Variants in PARD3 observed in about 807,000 individuals in gnomAD.
PARD3 encodes the protein partitioning defective 3 homolog.
A neutral mutation model predicts 155.4 loss-of-function variants in PARD3; 75 were observed. The ratio of observed to expected loss-of-function variants is 0.48; its 90% CI spans 0.40 to 0.58. The LOEUF is 0.58. Among genes scored for constraint, PARD3 ranks in the 20% least tolerant of loss-of-function variants. The pLI, the probability that PARD3 is intolerant of heterozygous loss-of-function variation, is 0.00. For synonymous variants in PARD3, 576 were observed against 610.5 expected (o/e 0.94, Z 0.83); for missense variants, 1,642 against 1,721.7 (o/e 0.95, Z 0.82).
chr10:34,631,921 T>A (rs984316262), intron 2 of PARD3, among the ~76,000 whole-genome samples: 2 of 152,086 alleles, frequency 1.3e-5, no homozygotes, highest in Non-Finnish European at 2.9e-5. Flanking sequence ...AATAGGTGGA[T>A]GTTTTGGGTT....
chr10:34,444,656 C>T lies in PARD3; in HGVS notation c.714+5661G>A, dbSNP rs2076642966. 2.0e-5 allele frequency among the ~76,000 whole-genome samples: 3 copies of T among 152,150 alleles called. No individual in the cohort carries two copies. The South Asian group carries it at 6.2e-4, about 32-fold the overall frequency. On this transcript the variant is annotated intron_variant, in intron 5 of 24. Transcript: ENST00000374788. Reference sequence around the variant, plus strand: ...CTTTTTGGAAATCATATTGTGCTTGCTGCTACAGACTTCTAATAAGACATA... The same window carrying T: ...CTTTTTGGAAATCATATTGTGCTTGTTGCTACAGACTTCTAATAAGACATA...
At chr10:34,481,493 T>C (rs1249767791) in intron 3 of PARD3, among the ~76,000 whole-genome samples, 1 of 152,154 alleles carries the variant, frequency 6.6e-6, no homozygotes, top group Non-Finnish European at 1.5e-5. Context: ...AAAAACGTGG[T>C]ATCCCCAGGT....
chr10:34,272,167 G>A (rs770582669), intron 21 of PARD3, among the ~76,000 whole-genome samples: 25 of 152,142 alleles, frequency 1.6e-4, no homozygotes, highest in Non-Finnish European at 3.4e-4. Context: ...AACTCAAAAT[G>A]GGTCACAGGT....
rs1554804666 is a variant in PARD3 at position 34,666,814 on chromosome 10, T to TATATAC, written c.222+29503_222+29504insGTATAT. On this transcript the variant is annotated intron_variant, in intron 2 of 24. Coordinates refer to ENST00000374788, the MANE Select transcript of PARD3 (RefSeq NM_001184785.2). ...AAAAAAAAATATATATATATATATATATACACACACACACACACACACAAA... is the reference window on the plus strand; with the variant it reads ...AAAAAAAAATATATATATATATATATATATACATACACACACACACACACACACAAA... Among the ~76,000 whole-genome samples, 130 of 92,106 alleles carry TATATAC rather than the reference T, an allele frequency of 1.4e-3. 3 individuals are homozygous for TATATAC. Among genetic ancestry groups the TATATAC allele is most frequent in the African/African-American group, 6.1e-3 (125 of 20,596 alleles). The allele number at this position is 92,106 out of a possible 152,430, so 60.4% of individuals were successfully genotyped here. A position where few individuals can be genotyped will look rare whatever the true frequency, so the allele number is the denominator to read the frequency against.
chr10:34,510,150 A>G (rs2081317709), intron 3 of PARD3, among the ~76,000 whole-genome samples: 2 of 152,204 alleles, frequency 1.3e-5, no homozygotes, highest in Admixed American at 6.5e-5. Context: ...TCTCCTTCCA[A>G]CGTAGGAACA....
At chr10:34,786,710 T>A (rs1182905185) in intron 1 of PARD3, among the ~76,000 whole-genome samples, 1 of 152,242 alleles carries the variant, frequency 6.6e-6, no homozygotes, top group African/African-American at 2.4e-5. Flanking sequence ...TCTATTTAAG[T>A]ACTCTGTAAA....
chr10:34,629,237 A>G (rs117076631), intron 2 of PARD3, among the ~76,000 whole-genome samples: 1,830 of 152,342 alleles, frequency 0.012, 12 homozygotes, highest in Non-Finnish European at 0.018. Flanking sequence ...CATTTTCAAT[A>G]TCTTTTAGCA....
intron 1 of PARD3, among the ~76,000 whole-genome samples, chr10:34,712,351 T>G (rs2094460395): frequency 1.3e-5 from 2 of 152,168 alleles, no homozygotes. Flanking sequence ...TCTGCAAGCT[T>G]CACAACCATC....
chr10:34,635,749 G>A (rs954179334), intron 2 of PARD3, among the ~76,000 whole-genome samples: 1 of 152,152 alleles, frequency 6.6e-6, no homozygotes, highest in Non-Finnish European at 1.5e-5. Context: ...AGCACCTACC[G>A]GTATGTCCCA....
chr10:34,247,228 ATGG>A (rs772353842), intron 22 of PARD3, among the ~76,000 whole-genome samples: 23 of 152,200 alleles, frequency 1.5e-4, no homozygotes, highest in Non-Finnish European at 2.5e-4. Context: ...CAGGATAGAC[ATGG>A]TGGTTCACAC....
chr10:34,439,901 C>T (rs898413093), intron 5 of PARD3, among the ~76,000 whole-genome samples: 4 of 151,910 alleles, frequency 2.6e-5, no homozygotes, highest in East Asian at 3.9e-4. Flanking sequence ...AATCTCCTAC[C>T]GCCATTAGAG....
intron 1 of PARD3, among the ~76,000 whole-genome samples, chr10:34,743,881 C>T (rs2095061282): frequency 6.6e-6 from 1 of 152,186 alleles, no homozygotes; most frequent in African/African-American, 2.4e-5. Flanking sequence ...ATGGTGGGTC[C>T]TCCCCTGCCA....
rs532875610 is a variant in PARD3 at position 34,634,978 on chromosome 10, T to C, written c.222+61340A>G. 8.5e-5 allele frequency among the ~76,000 whole-genome samples: 13 copies of C among 152,334 alleles called. No individual in the cohort carries two copies. In the South Asian group the frequency reaches 2.7e-3, roughly 32 times the overall value. The stretch of plus-strand genomic sequence containing the variant: ...TGGTGCTTCATGTCTAGCGTCCACC[T>C]GAAGAATGGCGGCCTACACTGGGTC... On this transcript the variant is annotated intron_variant, in intron 2 of 24. Coordinates refer to ENST00000374788, the MANE Select transcript of PARD3 (RefSeq NM_001184785.2).
intron 13 of PARD3, 143 bp from the exon 14 acceptor site, chr10:34,359,460 T>C (rs913310670): frequency 6.6e-6 from 4 of 601,512 alleles, no homozygotes; most frequent in Admixed American, 3.1e-5. Flanking sequence ...TTATGCCCAA[T>C]TGAACGCTGG....
chr10:34,173,373 T>C (rs1232931439), intron 22 of PARD3, among the ~76,000 whole-genome samples: 1 of 152,192 alleles, frequency 6.6e-6, no homozygotes, highest in East Asian at 1.9e-4. Context: ...GTTCTGTTTG[T>C]CAGTGGGGAT....
At chr10:34,391,233 T>C (rs1012503110) in intron 7 of PARD3, among the ~76,000 whole-genome samples, 9 of 151,876 alleles carry the variant, frequency 5.9e-5, no homozygotes, top group Admixed American at 4.6e-4. Flanking sequence ...CAAGAGAAAG[T>C]AGACAGATAC....
intron 5 of PARD3, among the ~76,000 whole-genome samples, chr10:34,435,154 T>C (rs2076126252): frequency 6.6e-6 from 1 of 152,188 alleles, no homozygotes; most frequent in Admixed American, 6.5e-5. Flanking sequence ...TATGTGTGCA[T>C]AGCTGTTTCT....
At chr10:34,774,967 T>A (rs536522314) in intron 1 of PARD3, among the ~76,000 whole-genome samples, 2 of 152,370 alleles carry the variant, frequency 1.3e-5, no homozygotes, top group South Asian at 4.1e-4. Flanking sequence ...GTGGAGGATT[T>A]ACATCAACAC....
At chr10:34,776,480 C>A (rs1381147415) in intron 1 of PARD3, among the ~76,000 whole-genome samples, 1 of 151,136 alleles carries the variant, frequency 6.6e-6, no homozygotes, top group African/African-American at 2.4e-5. Context: ...AGGGAGGAAA[C>A]AAAAATGTGG....
Sources: allele counts gnomAD v4.1 joint callset (sites outside exome capture counted in the v4.1 genomes callset), GRCh38; gene constraint gnomAD v4.1.1; transcripts MANE v1.5; gene names NCBI Gene and HGNC (gene_info 2026-07-23, HGNC 2026-07-21).